Variants in AIDA observed in about 807,000 individuals in gnomAD.
AIDA encodes the protein axin interactor, dorsalization-associated protein.
In AIDA, 18 loss-of-function variants were observed where a neutral mutation model predicts 42.7. That is an observed-to-expected ratio of 0.42 (90% confidence interval 0.29 to 0.63). The LOEUF is 0.63. Ranked by LOEUF, AIDA falls within the 20% of genes least tolerant of loss-of-function variation. The pLI, the probability that AIDA is intolerant of heterozygous loss-of-function variation, is 0.19. For synonymous variants in AIDA, 104 were observed against 122.9 expected, an observed-to-expected ratio of 0.85 and a Z score of 1.02; for missense variants, 250 against 354.1, an observed-to-expected ratio of 0.71 and a Z score of 2.36.
At chr1:222,686,063 G>T (rs1447521609) in intron 6 of AIDA, among the ~76,000 whole-genome samples, 2 of 152,214 alleles carry the variant, frequency 1.3e-5, no homozygotes, top group Non-Finnish European at 2.9e-5. Context: ...GGGAGGCTGA[G>T]ATGCGAGAAT....
At chr1:222,702,087 T>C (rs778675088) in intron 2 of AIDA, among the ~76,000 whole-genome samples, 5 of 152,164 alleles carry the variant, frequency 3.3e-5, no homozygotes, top group Non-Finnish European at 7.4e-5. Flanking sequence ...AATAAAAAAG[T>C]ACATTAGATA....
intron 6 of AIDA, 81 bp downstream of exon 6, chr1:222,686,849 T>C: frequency 6.6e-7 from 1 of 1,512,504 alleles, no homozygotes; most frequent in Non-Finnish European, 8.9e-7. Flanking sequence ...ACTGCCCCAC[T>C]AGCAAATACC....
intron 2 of AIDA, 84 bp downstream of exon 2, chr1:222,703,064 T>G (rs1445018875): frequency 9.0e-7 from 1 of 1,105,744 alleles, no homozygotes; most frequent in Non-Finnish European, 1.3e-6. Context: ...TTTGTTTTGT[T>G]GTTTTTTGTT....
intron 4 of AIDA, among the ~76,000 whole-genome samples, chr1:222,690,814 C>T (rs1655349859): frequency 6.6e-6 from 1 of 152,078 alleles, no homozygotes; most frequent in Admixed American, 6.6e-5. Context: ...TGAGAAAGAA[C>T]TCTGAGGCTG....
chr1:222,673,287 G>A (rs757447881), intron 8 of AIDA, 26 bp downstream of exon 8: 4 of 1,583,768 alleles, frequency 2.5e-6, no homozygotes, highest in Admixed American at 1.8e-5. Flanking sequence ...TCCATAAGAA[G>A]CCAAGTATTA....
chr1:222,675,350 G>A (rs980040253), intron 7 of AIDA, among the ~76,000 whole-genome samples: 1 of 152,110 alleles, frequency 6.6e-6, no homozygotes, highest in South Asian at 2.1e-4. Context: ...ATAAAGTACT[G>A]TATAAAATGT....
chr1:222,701,847 C>T (rs889397775), intron 2 of AIDA, among the ~76,000 whole-genome samples: 3 of 152,106 alleles, frequency 2.0e-5, no homozygotes, highest in African/African-American at 7.2e-5. Flanking sequence ...CCTCAGCCTC[C>T]CTAGTAGCTG....
intron 6 of AIDA, among the ~76,000 whole-genome samples, chr1:222,678,376 A>G (rs1664592171): frequency 6.6e-6 from 1 of 152,150 alleles, no homozygotes; most frequent in South Asian, 2.1e-4. Context: ...GACAGACAAA[A>G]GAGACAAGTT....
intron 4 of AIDA, among the ~76,000 whole-genome samples, chr1:222,691,506 TTA>T (rs1655373090): frequency 6.6e-6 from 1 of 152,108 alleles, no homozygotes; most frequent in Non-Finnish European, 1.5e-5. Flanking sequence ...TAAACCTACA[TTA>T]TTATATAACT....
At chr1:222,702,023 CA>C (rs35462872) in intron 2 of AIDA, among the ~76,000 whole-genome samples, 57,306 of 129,572 alleles carry the variant, frequency 0.44, 12,050 homozygotes, top group Middle Eastern at 0.54. Context: ...CACACCCAGC[CA>C]AAAAAAAAAA....
chr1:222,693,819 T>C lies in AIDA; in HGVS notation c.259A>G (p.Lys87Glu), dbSNP rs1405228809. The C allele has an allele frequency of 1.9e-6, 3 of 1,610,098 alleles. No individual in the cohort carries two copies. Among genetic ancestry groups the C allele is most frequent in the Admixed American group, 3.3e-5 (2 of 59,956 alleles). The change falls in exon 4 of 10, where the codon AAA becomes GAA. Residue 87 changes from lysine (K) to glutamate (E), a missense_variant. Around this residue, in one of 4 missense-constraint regions of AIDA, gnomAD observed 199 missense variants for 232.6 expected, o/e 0.86. Coordinates refer to ENST00000340020, the MANE Select transcript of AIDA (RefSeq NM_022831.4). ...LQSTQSQEEF[K>E]LEDLKKLEPI... ...TCTAGCTTCTTCAGGTCCTCCAGTTTAAATTCTTCTTGAGACTGTGTGGAC... is the reference window on the plus strand; with the variant it reads ...TCTAGCTTCTTCAGGTCCTCCAGTTCAAATTCTTCTTGAGACTGTGTGGAC...
chr1:222,700,971 T>TTGGGGGGGGGGG (rs1553295514), intron 2 of AIDA, among the ~76,000 whole-genome samples: 2 of 105,026 alleles, frequency 1.9e-5, no homozygotes, highest in African/African-American at 8.2e-5. Flanking sequence ...TGATTTTTTT[T>TTGGGGGGGGGGG]GGGGGGGGGG....
intron 2 of AIDA, among the ~76,000 whole-genome samples, chr1:222,696,742 T>C (rs911139219): frequency 5.7e-4 from 87 of 152,370 alleles, no homozygotes; most frequent in African/African-American, 2.0e-3. Context: ...AAAAGAATTT[T>C]GTCTGTATTA....
chr1:222,700,037 C>T (rs781321919), intron 2 of AIDA, among the ~76,000 whole-genome samples: 14 of 152,216 alleles, frequency 9.2e-5, no homozygotes, highest in Non-Finnish European at 8.8e-5. Flanking sequence ...GGATTACAGG[C>T]GTGAGCCACC....
chr1:222,682,347 T>C (rs568583028), intron 6 of AIDA, among the ~76,000 whole-genome samples: 79 of 152,300 alleles, frequency 5.2e-4, no homozygotes, highest in African/African-American at 1.9e-3. Flanking sequence ...TTGTATCTTC[T>C]GAAAACATCG....
At chr1:222,698,017 C>G (rs1655569777) in intron 2 of AIDA, among the ~76,000 whole-genome samples, 1 of 152,188 alleles carries the variant, frequency 6.6e-6, no homozygotes, top group Non-Finnish European at 1.5e-5. Flanking sequence ...CAGAAACTTA[C>G]TTGAGAAAAT....
Position 222,677,177 on chromosome 1 carries a change from C to T in AIDA, c.461-959G>A, listed in dbSNP as rs149753540. ...TACTATTATAGACGTTATAATATTT[C>T]ATTTTCTGAGCACTTATTGCTTATT... On this transcript the variant is annotated intron_variant, in intron 6 of 9. Transcript: ENST00000340020. Among the ~76,000 whole-genome samples, 5 of 152,084 alleles carry T rather than the reference C, an allele frequency of 3.3e-5. No homozygotes were observed. In the East Asian group the frequency reaches 9.7e-4, roughly 29 times the overall value.
At chr1:222,680,994 T>C (rs1664643137) in intron 6 of AIDA, among the ~76,000 whole-genome samples, 1 of 152,168 alleles carries the variant, frequency 6.6e-6, no homozygotes, top group Non-Finnish European at 1.5e-5. Context: ...TGACTTTTCA[T>C]ATCCTGAAGA....
intron 8 of AIDA, among the ~76,000 whole-genome samples, chr1:222,671,227 C>CA (rs1267632633): frequency 9.9e-5 from 15 of 151,394 alleles, no homozygotes; most frequent in African/African-American, 3.1e-4. Context: ...GACTCTGTCT[C>CA]AAAAAAAGAA....
Sources: gnomAD v4.1 joint callset for allele counts (sites outside exome capture counted in the v4.1 genomes callset) on GRCh38, gnomAD v4.1.1 for gene constraint, gnomAD v4.1.1 regional missense constraint, MANE v1.5 for transcripts, NCBI Gene and HGNC (gene_info 2026-07-23, HGNC 2026-07-21) for gene names.